Variants in TBC1D5 observed in about 807,000 individuals in gnomAD.
The protein encoded by TBC1D5 is TBC1 domain family, member 5.
A neutral mutation model predicts 100.3 loss-of-function variants in TBC1D5; 75 were observed. The ratio of observed to expected loss-of-function variants is 0.75; its 90% CI spans 0.62 to 0.91. The LOEUF is 0.91. Ranked by LOEUF, TBC1D5 falls within the 40% of genes least tolerant of loss-of-function variation. The probability of loss-of-function intolerance (pLI) is 0.00; values close to 1 mark genes in which losing one functional copy is unlikely to be tolerated. For missense variants in TBC1D5, 910 were observed against 942.4 expected (o/e 0.97, Z 0.45); for synonymous variants, 323 against 325.6 (o/e 0.99, Z 0.09).
At chr3:17,317,979 A>G (rs1359827952) in intron 13 of TBC1D5, among the ~76,000 whole-genome samples, 1 of 152,112 alleles carries the variant, frequency 6.6e-6, no homozygotes, top group Non-Finnish European at 1.5e-5. Flanking sequence ...AACCAACCCA[A>G]ATGTCCAACA....
chr3:17,244,232 C>A (rs1337964675), intron 16 of TBC1D5, among the ~76,000 whole-genome samples: 1 of 152,226 alleles, frequency 6.6e-6, no homozygotes, highest in Non-Finnish European at 1.5e-5. Flanking sequence ...CTAGTCCTGG[C>A]ATGCCTGAGA....
At chr3:17,441,777 ATTAT>A (rs1030478313) in intron 3 of TBC1D5, among the ~76,000 whole-genome samples, 10 of 152,218 alleles carry the variant, frequency 6.6e-5, no homozygotes, top group African/African-American at 1.7e-4. Context: ...ATAGTAAACA[ATTAT>A]TTATTTATTT....
chr3:17,399,941 T>G (rs1443520973), intron 8 of TBC1D5, among the ~76,000 whole-genome samples: 1 of 152,134 alleles, frequency 6.6e-6, no homozygotes, highest in Non-Finnish European at 1.5e-5. Context: ...TTCTCAAAGA[T>G]GTCTTCTCCA....
intron 8 of TBC1D5, among the ~76,000 whole-genome samples, chr3:17,401,510 C>T (rs112266051): frequency 6.6e-6 from 1 of 151,858 alleles, no homozygotes; most frequent in Non-Finnish European, 1.5e-5. Flanking sequence ...GTTCGAACTA[C>T]GTAACTAAAA....
chr3:17,677,462 C>G (rs1427287408), intron 1 of TBC1D5, among the ~76,000 whole-genome samples: 2 of 152,162 alleles, frequency 1.3e-5, no homozygotes, highest in African/African-American at 2.4e-5. Flanking sequence ...CCATCTCACA[C>G]CAGTTAGAAT....
chr3:17,235,809 A>G lies in TBC1D5; in HGVS notation c.1588+2354T>C, dbSNP rs930408008. On this transcript the variant is annotated intron_variant, in intron 17 of 21. Coordinates refer to ENST00000253692, the Ensembl canonical transcript of TBC1D5. ...CTATCTTCTATCGTCTACTTCCACA[A>G]ACCGTTCTCTTTGCCTTTTGTTTTA... Among the ~76,000 whole-genome samples the G allele has an allele frequency of 3.3e-5, 5 of 152,316 alleles. No homozygotes were observed. In the East Asian group the frequency reaches 9.6e-4, roughly 29 times the overall value.
At chr3:17,464,385 T>C (rs2095267856) in intron 3 of TBC1D5, among the ~76,000 whole-genome samples, 1 of 152,208 alleles carries the variant, frequency 6.6e-6, no homozygotes, top group Admixed American at 6.5e-5. Context: ...TTATTGTGTT[T>C]TTCTACTATC....
chr3:17,422,063 G>C (rs1349315280), intron 4 of TBC1D5, among the ~76,000 whole-genome samples: 1 of 152,190 alleles, frequency 6.6e-6, no homozygotes, highest in Non-Finnish European at 1.5e-5. Flanking sequence ...TGAGTGGTGA[G>C]GAAGAGGGAT....
exon 22 of TBC1D5, chr3:17,160,628 G>A (rs564969043): frequency 1.6e-5 from 4 of 246,218 alleles, no homozygotes; most frequent in African/African-American, 8.7e-5. Flanking sequence ...GGGGAGAAGG[G>A]GACAGAGGAA....
chr3:17,275,179 T>C (rs913741350), intron 15 of TBC1D5, among the ~76,000 whole-genome samples: 3 of 152,144 alleles, frequency 2.0e-5, no homozygotes, highest in African/African-American at 7.2e-5. Flanking sequence ...CACCTAAGAA[T>C]TGTGAATCAG....
At chr3:17,574,417 A>G (rs1456548200) in intron 2 of TBC1D5, among the ~76,000 whole-genome samples, 1 of 151,356 alleles carries the variant, frequency 6.6e-6, no homozygotes, top group Non-Finnish European at 1.5e-5. Flanking sequence ...ACTGAACCCA[A>G]CCTCCCCTCT....
intron 1 of TBC1D5, among the ~76,000 whole-genome samples, chr3:17,668,497 T>C (rs1460338450): frequency 2.0e-5 from 3 of 152,072 alleles, no homozygotes; most frequent in Admixed American, 1.3e-4. Context: ...AATAAACAAT[T>C]ATGTTTCATT....
chr3:17,320,299 C>A (rs1323914068), intron 13 of TBC1D5, among the ~76,000 whole-genome samples: 6 of 152,226 alleles, frequency 3.9e-5, no homozygotes, highest in African/African-American at 1.2e-4. Flanking sequence ...ATCAGCATCA[C>A]ATGAAAATTT....
chr3:17,735,805 C>T (rs1264318039), intron 1 of TBC1D5, among the ~76,000 whole-genome samples: 2 of 152,144 alleles, frequency 1.3e-5, no homozygotes, highest in African/African-American at 4.8e-5. Flanking sequence ...AGCAGGTGTG[C>T]GACGACAGCA....
chr3:17,494,356 T>A (rs367751452), intron 3 of TBC1D5, among the ~76,000 whole-genome samples: 10 of 152,170 alleles, frequency 6.6e-5, no homozygotes, highest in African/African-American at 2.4e-4. Flanking sequence ...CAGTGTCTGG[T>A]GACTCCTGTT....
chr3:17,631,603 G>A (rs761284701), intron 1 of TBC1D5, among the ~76,000 whole-genome samples: 3 of 152,182 alleles, frequency 2.0e-5, no homozygotes, highest in Non-Finnish European at 4.4e-5. Flanking sequence ...AGATTCAAAG[G>A]ACAGGTTGAC....
chr3:17,619,057 C>G (rs546507793), intron 2 of TBC1D5, among the ~76,000 whole-genome samples: 3 of 152,202 alleles, frequency 2.0e-5, no homozygotes, highest in African/African-American at 7.2e-5. Context: ...CAGAAAGCCC[C>G]TTTTTAATAG....
At chr3:17,542,230 G>GCCTCC (rs1294013587) in intron 2 of TBC1D5, among the ~76,000 whole-genome samples, 1 of 152,204 alleles carries the variant, frequency 6.6e-6, no homozygotes, top group Non-Finnish European at 1.5e-5. Flanking sequence ...GGCAGAGGTT[G>GCCTCC]CAGTGAGCTG....
At chr3:17,619,119 C>T (rs1464820928) in intron 2 of TBC1D5, among the ~76,000 whole-genome samples, 1 of 152,142 alleles carries the variant, frequency 6.6e-6, no homozygotes, top group East Asian at 1.9e-4. Context: ...TCAAAACCTA[C>T]ATAAAGAAAA....
Sources: allele counts gnomAD v4.1 joint callset (sites outside exome capture counted in the v4.1 genomes callset), GRCh38; gene constraint gnomAD v4.1.1; transcripts MANE v1.5; gene names NCBI Gene and HGNC (gene_info 2026-07-23, HGNC 2026-07-21).